The following PTCH2 variants were observed in gnomAD, a reference collection of about 807,000 sequenced individuals.
PTCH2 encodes the protein protein patched homolog 2.
In PTCH2, 96 loss-of-function variants were observed where a neutral mutation model predicts 117.9. That is an observed-to-expected ratio of 0.81 (90% confidence interval 0.69 to 0.96). PTCH2 has a LOEUF of 0.96. Ranked by LOEUF, PTCH2 falls within the 50% of genes least tolerant of loss-of-function variation. The pLI is 0.00. For missense variants in PTCH2, 1,379 were observed against 1,562.5 expected (o/e 0.88, Z 1.98); for synonymous variants, 615 against 660.9 (o/e 0.93, Z 1.06).
chr1:44,828,888 G>C (rs909175769), intron 11 of PTCH2, 94 bp downstream of exon 11: 28 of 1,365,890 alleles, frequency 2.0e-5, no homozygotes, highest in Middle Eastern at 3.6e-4. Context: ...AAGAGGCACC[G>C]AGGTTCATTA....
chr1:44,822,963 G>T, intron 21 of PTCH2, 106 bp downstream of exon 21: 2 of 1,278,352 alleles, frequency 1.6e-6, no homozygotes, highest in Non-Finnish European at 1.1e-6. Context: ...GGCACCTGTT[G>T]GGGAGGTACC....
rs1002001552 is a variant in PTCH2, at chr1:44,822,292, C to T, written c.*123G>A. The T allele has an allele frequency of 2.3e-5, 36 of 1,586,872 alleles. No homozygotes were observed. Among genetic ancestry groups the T allele is most frequent in the Admixed American group, 3.4e-5 (2 of 59,282 alleles). ...TCAGGGAGGCCCATGACAGCTGGGT[C>T]GGGAGAGGGGATGCAGCAGCAGCAG... On this transcript the variant is annotated 3_prime_UTR_variant, in exon 22 of 22. Transcript: ENST00000372192.
At position 44,826,463 on chromosome 1, in the gene PTCH2, T is replaced by G. The variant is rs1195140726; in HGVS notation, c.2976+25A>C. 9 of 1,613,610 alleles carry G rather than the reference T, an allele frequency of 5.6e-6. No homozygotes were observed. In the Admixed American group the frequency reaches 1.5e-4, roughly 27 times the overall value. ...TGGGCAGGGAAGGGTGGGGTGTCTC[T>G]GTCCCCACTCCTGCAAGCACTCACT... On this transcript the variant is annotated intron_variant, in intron 18 of 21. Coordinates refer to ENST00000372192, the MANE Select transcript of PTCH2 (RefSeq NM_003738.5). The surrounding 1 kb of genome is among the most constrained non-coding windows in gnomAD (Gnocchi z 5.1).
Position 44,831,561 on chromosome 1 carries a change from G to A in PTCH2, c.617+145C>T. 3 of 793,086 alleles carry A rather than the reference G, an allele frequency of 3.8e-6. No individual in the cohort carries two copies. 49.1% of individuals were successfully genotyped at this position (793,086 alleles called of 1,614,324 possible). A position where few individuals can be genotyped will look rare whatever the true frequency, so the allele number is the denominator to read the frequency against. On this transcript the variant is annotated intron_variant, in intron 5 of 21. Coordinates refer to ENST00000372192, the MANE Select transcript of PTCH2 (RefSeq NM_003738.5). This position sits in a 1 kb window ranked among gnomAD's most constrained non-coding sequence, Gnocchi z 4.3. ...AGAAGGAGGATGTGGAGAGAGCCTT[G>A]GGGAAGCCCATGCTCTCTGTTCCTG...
At chr1:44,837,748 A>C (rs1021700481) in intron 2 of PTCH2, among the ~76,000 whole-genome samples, 6 of 152,020 alleles carry the variant, frequency 3.9e-5, no homozygotes, top group African/African-American at 1.4e-4. Context: ...CAGAGATAGA[A>C]CAAGGCCTCA....
intron 6 of PTCH2, among the ~76,000 whole-genome samples, chr1:44,830,554 A>G (rs1341989316): frequency 7.1e-6 from 1 of 141,120 alleles, no homozygotes; most frequent in Non-Finnish European, 1.5e-5. Context: ...AGATCGAACT[A>G]CTGCACTCCA....
In PTCH2 at chr1:44,839,361, C is replaced by CAA. The variant is rs57053705; in HGVS notation, c.265+2484_265+2485dup. 6.3e-3 allele frequency among the ~76,000 whole-genome samples: 474 copies of CAA among 74,800 alleles called. 10 individuals are homozygous for CAA. Among genetic ancestry groups the CAA allele is most frequent in the African/African-American group, 0.011 (208 of 19,328 alleles). 49.1% of individuals were successfully genotyped at this position (74,800 alleles called of 152,430 possible). Reference sequence around the variant, plus strand: ...TGGGCAACAGAGCAAGACTTACTCTCAAAAAAAAAAAAAAAAAAAAAACAG... The same window carrying CAA: ...TGGGCAACAGAGCAAGACTTACTCTCAAAAAAAAAAAAAAAAAAAAAAAACAG... On this transcript the variant is annotated intron_variant, in intron 2 of 21. Coordinates refer to ENST00000372192, the MANE Select transcript of PTCH2 (RefSeq NM_003738.5).
chr1:44,832,571 G>T (rs1221217079), intron 2 of PTCH2, among the ~76,000 whole-genome samples: 1 of 152,250 alleles, frequency 6.6e-6, no homozygotes, highest in Non-Finnish European at 1.5e-5. Context: ...TGGCTCTGCG[G>T]ATTTCTTGTG....
Position 44,823,500 on chromosome 1 carries a change from G to T in PTCH2, c.3115-115C>A. The T allele has an allele frequency of 7.0e-7, 1 of 1,424,060 alleles. No individual in the cohort carries two copies. The highest frequency in any genetic ancestry group is 9.8e-7 in the Non-Finnish European group (1 of 1,021,350). The allele number at this position is 1,424,060 out of a possible 1,614,324, so 88.2% of individuals were successfully genotyped here. On this transcript the variant is annotated intron_variant, in intron 19 of 21. Coordinates refer to ENST00000372192, the MANE Select transcript of PTCH2 (RefSeq NM_003738.5). This position sits in a 1 kb window ranked among gnomAD's most constrained non-coding sequence, Gnocchi z 5.1. ...ACGATACCTTGGCCCACCAAAGGCT[G>T]GGTGAACTAAGTTCATGGGAACTGT... is the stretch of plus-strand genomic sequence containing the variant.
chr1:44,821,829 G>T, downstream of PTCH2: 1 of 1,363,652 alleles, frequency 7.3e-7, no homozygotes, highest in Non-Finnish European at 9.8e-7. Flanking sequence ...CCCAGAACTA[G>T]AGAAGCTAAT....
At chr1:44,830,520 T>C (rs1653384554) in intron 6 of PTCH2, among the ~76,000 whole-genome samples, 1 of 144,246 alleles carries the variant, frequency 6.9e-6, no homozygotes. Context: ...GGAGAATTGC[T>C]TGAGCCGAGG....
At position 44,831,042 on chromosome 1, in the gene PTCH2, C is replaced by A. The variant is rs201990939; in HGVS notation, c.619G>T (p.Gly207Cys). 3.7e-6 allele frequency: 6 copies of A among 1,610,682 alleles called. No homozygotes were observed. The African/African-American group carries it at 4.0e-5, about 11-fold the overall frequency. Reference protein sequence around the residue: ...KLQGGSAYLPGRPDIQWTNLD... With the variant: ...KLQGGSAYLPCRPDIQWTNLD... ...TTGGTCCACTGGATATCCGGGCGGCCGCTGAGGGAAAAGCCTATAGTTGGT... is the reference window on the plus strand; with the variant it reads ...TTGGTCCACTGGATATCCGGGCGGCAGCTGAGGGAAAAGCCTATAGTTGGT... Residue 207 changes from glycine (G) to cysteine (C), a missense_variant and splice_region_variant, in exon 6 of 22, where the codon GGC (glycine) becomes TGC (cysteine). Physicochemically the swap from Gly to Cys is radical, Grantham distance 159. Coordinates refer to ENST00000372192, the MANE Select transcript of PTCH2 (RefSeq NM_003738.5). This position sits in a 1 kb window ranked among gnomAD's most constrained non-coding sequence, Gnocchi z 4.3.
Position 44,831,153 on chromosome 1 carries a change from C to T in PTCH2, c.618-110G>A, listed in dbSNP as rs1483345320. 1.8e-6 allele frequency: 2 copies of T among 1,137,928 alleles called. No homozygotes were observed. The highest frequency in any genetic ancestry group is 2.6e-5 in the East Asian group (1 of 38,670). The allele number at this position is 1,137,928 out of a possible 1,614,324, so 70.5% of individuals were successfully genotyped here. A position where few individuals can be genotyped will look rare whatever the true frequency, so the allele number is the denominator to read the frequency against. On this transcript the variant is annotated intron_variant, in intron 5 of 21. Transcript: ENST00000372192. This position sits in a 1 kb window ranked among gnomAD's most constrained non-coding sequence, Gnocchi z 4.3. ...CCCTCCTCTTATCTGCCGATTTGTCCTTCCATATGGAGGGTGTGCAAGCCT... is the reference window on the plus strand; with the variant it reads ...CCCTCCTCTTATCTGCCGATTTGTCTTTCCATATGGAGGGTGTGCAAGCCT...
At position 44,823,311 on chromosome 1, in the gene PTCH2, G is replaced by A. The variant is rs143986029; in HGVS notation, c.3189C>T (p.Thr1063=). ...HALEHTFAPV[T]DGAISTLLGL... ...CCAGCAATGTGGAGATGGCCCCATCGGTCACGGGGGCAAATGTGTGCTCAA... is the reference window on the plus strand; with the variant it reads ...CCAGCAATGTGGAGATGGCCCCATCAGTCACGGGGGCAAATGTGTGCTCAA... The change falls in exon 20 of 22, where the codon ACC becomes ACT. Residue 1063 remains threonine, a synonymous_variant. Transcript: ENST00000372192. This position sits in a 1 kb window ranked among gnomAD's most constrained non-coding sequence, Gnocchi z 5.1. 4.3e-4 allele frequency: 691 copies of A among 1,614,092 alleles called. 1 individual carries two copies. The highest frequency in any genetic ancestry group is 5.6e-4 in the Non-Finnish European group (658 of 1,180,046).
In PTCH2 at chr1:44,838,287, G is replaced by C. The variant is rs11573554; in HGVS notation, c.265+3560C>G. ...TGGAATGGCAGCTCTTGTTGCGCAG[G>C]CTGGAGTACAAAGACGCGATCTCGG... On this transcript the variant is annotated intron_variant, in intron 2 of 21. Coordinates refer to ENST00000372192, the MANE Select transcript of PTCH2 (RefSeq NM_003738.5). Among the ~76,000 whole-genome samples the C allele has an allele frequency of 5.8e-3, 887 of 152,252 alleles. 4 individuals carry two copies. Among genetic ancestry groups the C allele is most frequent in the Non-Finnish European group, 8.5e-3 (575 of 68,010 alleles).
chr1:44,842,789 C>A, intron 1 of PTCH2, 72 bp downstream of exon 1: 1 of 1,433,922 alleles, frequency 7.0e-7, no homozygotes. Flanking sequence ...CAAGACATCA[C>A]AAACCTTGCA....
Position 44,822,419 on chromosome 1 carries a change from C to T in PTCH2, c.3608G>A (p.Gly1203Glu), listed in dbSNP as rs1234550346. The T allele has an allele frequency of 1.9e-6, 3 of 1,613,620 alleles. No homozygotes were observed. The highest frequency in any genetic ancestry group is 2.2e-5 in the East Asian group (1 of 44,898). Residue 1203 changes from glycine (G) to glutamate (E), a missense_variant, in exon 22 of 22, where the codon GGG becomes GAG. Coordinates refer to ENST00000372192, the MANE Select transcript of PTCH2 (RefSeq NM_003738.5). ...CTCTGTGCTTCAGCTGCTCTTTCACCCAGTGGCTGGACCTGGTCCCCTGGA... is the reference window on the plus strand; with the variant it reads ...CTCTGTGCTTCAGCTGCTCTTTCACTCAGTGGCTGGACCTGGTCCCCTGGA... ...LSSRGPGPAT[G>E]
rs1006820013 is a variant in PTCH2, at chr1:44,823,854, G to A, written c.3115-469C>T. Among the ~76,000 whole-genome samples, 4 of 151,908 alleles carry A rather than the reference G, an allele frequency of 2.6e-5. No individual in the cohort carries two copies. The highest frequency in any genetic ancestry group is 6.6e-5 in the Admixed American group (1 of 15,250). On this transcript the variant is annotated intron_variant, in intron 19 of 21. Coordinates refer to ENST00000372192, the MANE Select transcript of PTCH2 (RefSeq NM_003738.5). This position sits in a 1 kb window ranked among gnomAD's most constrained non-coding sequence, Gnocchi z 5.1. ...CTTGGGAGGCTGAGGTGGGAGGATC[G>A]CTTGGCCCAGGAGGTGGAGGTTGCA... is the stretch of plus-strand genomic sequence containing the variant.
downstream of PTCH2, chr1:44,820,853 A>T: frequency 1.7e-6 from 1 of 590,500 alleles, no homozygotes; most frequent in Non-Finnish European, 3.1e-6. Flanking sequence ...CTTCTTGGTG[A>T]CCCAAACACT....
Sources: gnomAD v4.1 joint callset for allele counts (sites outside exome capture counted in the v4.1 genomes callset) on GRCh38, gnomAD v4.1.1 for gene constraint, Gnocchi (gnomAD v3.1) non-coding constraint, MANE v1.5 for transcripts, NCBI Gene and HGNC (gene_info 2026-07-23, HGNC 2026-07-21) for gene names.